The following DCC variants were observed in gnomAD, a reference collection of about 807,000 sequenced individuals.
The protein encoded by DCC is netrin receptor DCC.
Under a neutral mutation model 172.5 loss-of-function variants are expected in DCC, and 58 were observed. The observed-to-expected ratio is 0.34, with a 90% confidence interval of 0.27 to 0.42. The LOEUF (loss-of-function observed/expected upper bound fraction) is 0.42. Ranked by LOEUF, DCC falls within the 10% of genes least tolerant of loss-of-function variation. The probability of loss-of-function intolerance (pLI) is 1.00; values close to 1 mark genes in which losing one functional copy is unlikely to be tolerated. For synonymous variants in DCC, 709 were observed against 644.5 expected, an observed-to-expected ratio of 1.10 and a Z score of -1.52; for missense variants, 1,740 against 1,791.0, an observed-to-expected ratio of 0.97 and a Z score of 0.51.
At chr18:52,575,668 G>T (rs1396451162) in intron 1 of DCC, among the ~76,000 whole-genome samples, 1 of 151,124 alleles carries the variant, frequency 6.6e-6, no homozygotes, top group Non-Finnish European at 1.5e-5. Context: ...GATAATAATA[G>T]TAAGTGCCTT....
intron 1 of DCC, among the ~76,000 whole-genome samples, chr18:52,499,217 A>G (rs558117450): frequency 1.3e-5 from 2 of 152,180 alleles, no homozygotes; most frequent in Non-Finnish European, 2.9e-5. Flanking sequence ...TGAGCTTAGA[A>G]GTTAATGATT....
chr18:52,746,762 T>C (rs1267153059), intron 1 of DCC, among the ~76,000 whole-genome samples: 2 of 129,620 alleles, frequency 1.5e-5, no homozygotes, highest in Admixed American at 1.7e-4. Context: ...TTATTTCTGA[T>C]GCTTATTTAT....
chr18:52,843,100 T>C (rs1008857), intron 2 of DCC, among the ~76,000 whole-genome samples: 3,766 of 152,256 alleles, frequency 0.025, 169 homozygotes, highest in African/African-American at 0.087. Context: ...GTATGGATAG[T>C]AAGATTTAGG....
At chr18:52,599,502 C>A (rs2033974434) in intron 1 of DCC, among the ~76,000 whole-genome samples, 1 of 151,270 alleles carries the variant, frequency 6.6e-6, no homozygotes, top group Non-Finnish European at 1.5e-5. Flanking sequence ...AATATTATTC[C>A]TCTTTTGATT....
intron 25 of DCC, among the ~76,000 whole-genome samples, chr18:53,478,732 C>T (rs2045797614): frequency 1.3e-5 from 2 of 152,162 alleles, no homozygotes; most frequent in African/African-American, 4.8e-5. Context: ...CCCTTTCCCA[C>T]CATCTGCATT....
chr18:52,659,762 T>C (rs1192138281), intron 1 of DCC, among the ~76,000 whole-genome samples: 2 of 152,192 alleles, frequency 1.3e-5, no homozygotes, highest in Admixed American at 6.5e-5. Context: ...TCTTAAGTTG[T>C]AGTTAAAAAA....
At chr18:53,508,775 G>A (rs1379452385) in intron 27 of DCC, among the ~76,000 whole-genome samples, 2 of 152,208 alleles carry the variant, frequency 1.3e-5, no homozygotes, top group African/African-American at 4.8e-5. Context: ...GGAGGTCAGA[G>A]CAACTGCTCA....
At chr18:52,805,372 G>A (rs78939674) in intron 2 of DCC, among the ~76,000 whole-genome samples, 13,722 of 152,236 alleles carry the variant, frequency 0.09, 675 homozygotes, top group South Asian at 0.18. Context: ...CAGCAGAGAT[G>A]TCAACAGGAG....
rs140197555 is a variant in DCC at position 53,143,474 on chromosome 18, G to T, written c.1262-13882G>T. 3.9e-5 allele frequency among the ~76,000 whole-genome samples: 6 copies of T among 152,332 alleles called. No homozygotes were observed. The East Asian group carries it at 1.2e-3, about 29-fold the overall frequency. On this transcript the variant is annotated intron_variant, in intron 7 of 28. Transcript: ENST00000442544. The stretch of plus-strand genomic sequence containing the variant: ...AAAGAATTAGACACCAGAACAGATA[G>T]TTTACGTGTTTGGCTCATGACATAG...
At chr18:53,374,222 A>G (rs182672489) in intron 15 of DCC, among the ~76,000 whole-genome samples, 4 of 152,238 alleles carry the variant, frequency 2.6e-5, no homozygotes, top group African/African-American at 9.6e-5. Context: ...CTCAACAGCC[A>G]CATGTGGCCA....
intron 1 of DCC, among the ~76,000 whole-genome samples, chr18:52,498,777 C>T (rs2030901888): frequency 6.6e-6 from 1 of 152,148 alleles, no homozygotes; most frequent in African/African-American, 2.4e-5. Context: ...TTGCTGTGTC[C>T]TCACAGGATA....
At chr18:53,055,001 T>C (rs1398005118) in intron 5 of DCC, among the ~76,000 whole-genome samples, 1 of 152,100 alleles carries the variant, frequency 6.6e-6, no homozygotes, top group African/African-American at 2.4e-5. Context: ...ATATCTTAAA[T>C]GTTGTTCCCC....
intron 1 of DCC, among the ~76,000 whole-genome samples, chr18:52,442,053 C>T (rs567639596): frequency 4.2e-4 from 64 of 152,222 alleles, no homozygotes; most frequent in African/African-American, 1.5e-3. Context: ...ATTATTAGAG[C>T]TTGGTATTAT....
rs561355506 is a variant in DCC, at chr18:52,638,594, T to A, written c.92-113460T>A. Among the ~76,000 whole-genome samples, 5 of 152,312 alleles carry A rather than the reference T, an allele frequency of 3.3e-5. No homozygotes were observed. In the East Asian group the frequency reaches 9.6e-4, roughly 29 times the overall value. ...AAAAGAGACAACGAGGGACATTATA[T>A]AATGGTAAAAGGCCTTGTCCAACAG... On this transcript the variant is annotated intron_variant, in intron 1 of 28. Coordinates refer to ENST00000442544, the MANE Select transcript of DCC (RefSeq NM_005215.4).
At chr18:53,175,141 A>C (rs2055071547) in intron 8 of DCC, among the ~76,000 whole-genome samples, 1 of 152,200 alleles carries the variant, frequency 6.6e-6, no homozygotes, top group Admixed American at 6.6e-5. Context: ...TCATGCTAAA[A>C]ACTCTCAATA....
intron 2 of DCC, chr18:52,816,827 T>C (rs2038309061): frequency 6.6e-6 from 1 of 152,206 alleles, no homozygotes; most frequent in African/African-American, 2.4e-5. Flanking sequence ...TAAGAGATTA[T>C]TTTCATCTTA....
chr18:52,541,994 C>T (rs2032475142), intron 1 of DCC, among the ~76,000 whole-genome samples: 1 of 146,004 alleles, frequency 6.8e-6, no homozygotes, highest in African/African-American at 2.5e-5. Context: ...TATATAATAT[C>T]TCAGCAATAT....
At chr18:52,354,428 A>G (rs1984268184) in intron 1 of DCC, among the ~76,000 whole-genome samples, 1 of 152,234 alleles carries the variant, frequency 6.6e-6, no homozygotes, top group Non-Finnish European at 1.5e-5. Context: ...GGAGGTTTAG[A>G]AGCAACTTAG....
In DCC at chr18:53,117,271, G is replaced by A. The variant is rs117095523; in HGVS notation, c.1262-40085G>A. Reference sequence around the variant, plus strand: ...CACTGTAAGAAAGTTTACTTGCTCCGTATGAAATTTCCAATATTTGATGGT... The same window carrying A: ...CACTGTAAGAAAGTTTACTTGCTCCATATGAAATTTCCAATATTTGATGGT... On this transcript the variant is annotated intron_variant, in intron 7 of 28. Coordinates refer to ENST00000442544, the MANE Select transcript of DCC (RefSeq NM_005215.4). 1.1e-3 allele frequency among the ~76,000 whole-genome samples: 164 copies of A among 151,752 alleles called. No individual in the cohort carries two copies. In the East Asian group the frequency reaches 0.026, roughly 24 times the overall value.
Sources: allele counts gnomAD v4.1 joint callset (sites outside exome capture counted in the v4.1 genomes callset), GRCh38; gene constraint gnomAD v4.1.1; transcripts MANE v1.5; gene names NCBI Gene and HGNC (gene_info 2026-07-23, HGNC 2026-07-21).